Variants in PLS3 observed in about 807,000 individuals in gnomAD.
The protein encoded by PLS3 is plastin 3.
A neutral mutation model predicts 46.5 loss-of-function variants in PLS3; 11 were observed. The observed-to-expected ratio is 0.24, with a 90% CI of 0.15 to 0.39. The LOEUF is 0.39. Among genes scored for constraint, PLS3 ranks in the 10% least tolerant of loss-of-function variants. The probability of loss-of-function intolerance (pLI) is 1.00; values close to 1 mark genes in which losing one functional copy is unlikely to be tolerated. For synonymous variants in PLS3, 167 were observed against 162.2 expected, an observed-to-expected ratio of 1.03 and a Z score of -0.22; for missense variants, 308 against 461.8, an observed-to-expected ratio of 0.67 and a Z score of 3.05.
rs782384205 is a variant in PLS3 at position 115,622,399 on chromosome X, A to G, written c.227A>G (p.Glu76Gly). 27 of 1,172,599 alleles carry G rather than the reference A, an allele frequency of 2.3e-5. No homozygotes were observed. The highest frequency in any genetic ancestry group is 2.8e-5 in the Non-Finnish European group (24 of 864,704). The change falls in exon 3 of 16, where the codon GAA (glutamate) becomes GGA (glycine). Residue 76 changes from glutamate (E) to glycine (G), a missense_variant. Physicochemically the swap from Glu to Gly is moderately conservative, Grantham distance 98. Around this residue, in one of 2 missense-constraint regions of PLS3, gnomAD observed 271 missense variants for 435.7 expected, o/e 0.62. Coordinates refer to ENST00000355899, the MANE Select transcript of PLS3 (RefSeq NM_005032.7). ...RNKDGKISFD[E>G]FVYIFQEVKS... ...AAAGATGGGAAAATAAGTTTTGACGAATTTGTTTATGTAAGTATGTGAAAA... is the reference window on the plus strand; with the variant it reads ...AAAGATGGGAAAATAAGTTTTGACGGATTTGTTTATGTAAGTATGTGAAAA...
intron 1 of PLS3, among the ~76,000 whole-genome samples, chrX:115,576,823 C>A (rs188769242): frequency 8.9e-6 from 1 of 112,411 alleles, no homozygotes; most frequent in East Asian, 2.8e-4. Flanking sequence ...CCATTTAGAA[C>A]TTCCTGCGTA....
intron 1 of PLS3, among the ~76,000 whole-genome samples, chrX:115,568,579 C>G (rs781814521): frequency 9.0e-6 from 1 of 111,487 alleles, no homozygotes; most frequent in Non-Finnish European, 1.9e-5. Flanking sequence ...GTTTCCATAT[C>G]TTACAGATAA....
chrX:115,587,593 G>A (rs1428312415), intron 1 of PLS3, among the ~76,000 whole-genome samples: 2 of 111,096 alleles, frequency 1.8e-5, no homozygotes, highest in Non-Finnish European at 3.8e-5. Flanking sequence ...AAATTAGCTG[G>A]GCGTGGTGGC....
At chrX:115,620,819 G>A (rs1446613830) in intron 2 of PLS3, among the ~76,000 whole-genome samples, 5 of 90,756 alleles carry the variant, frequency 5.5e-5, no homozygotes, top group South Asian at 6.7e-4. Flanking sequence ...TCAGCCTCCC[G>A]AGTAGGTGGG....
At chrX:115,626,997 C>G (rs1215034286) in intron 3 of PLS3, among the ~76,000 whole-genome samples, 1 of 109,072 alleles carries the variant, frequency 9.2e-6, no homozygotes, top group Non-Finnish European at 1.9e-5. Flanking sequence ...TACAGGCATG[C>G]ACCACCACGC....
chrX:115,569,707 C>A (rs2074200969), intron 1 of PLS3, among the ~76,000 whole-genome samples: 3 of 111,422 alleles, frequency 2.7e-5, no homozygotes, highest in African/African-American at 9.8e-5. Flanking sequence ...TTCACAGACC[C>A]TTCCATGGTG....
At chrX:115,571,985 G>A (rs1370301224) in intron 1 of PLS3, among the ~76,000 whole-genome samples, 1 of 112,115 alleles carries the variant, frequency 8.9e-6, no homozygotes, top group Non-Finnish European at 1.9e-5. Context: ...AGCTACAGTT[G>A]AATCATTTTT....
At chrX:115,613,902 A>G (rs1368641617) in intron 2 of PLS3, among the ~76,000 whole-genome samples, 1 of 111,676 alleles carries the variant, frequency 9.0e-6, no homozygotes, top group African/African-American at 3.2e-5. Context: ...GTAAAGAGAA[A>G]ATCTTATTTT....
chrX:115,583,496 G>A (rs1375455356), intron 1 of PLS3, among the ~76,000 whole-genome samples: 1 of 112,612 alleles, frequency 8.9e-6, no homozygotes, highest in Non-Finnish European at 1.9e-5. Flanking sequence ...ATTTTTCTCC[G>A]TGAATGTGAC....
chrX:115,619,619 C>T (rs2074629479), intron 2 of PLS3, among the ~76,000 whole-genome samples: 1 of 112,870 alleles, frequency 8.9e-6, no homozygotes, highest in Non-Finnish European at 1.9e-5. Context: ...AGTGAATATA[C>T]ATCCTAGGGA....
intron 15 of PLS3, among the ~76,000 whole-genome samples, chrX:115,648,494 T>C (rs2074973861): frequency 9.0e-6 from 1 of 111,414 alleles, no homozygotes; most frequent in African/African-American, 3.3e-5. Flanking sequence ...CACAGAAGAC[T>C]ATGCCTTGAA....
intron 2 of PLS3, chrX:115,621,925 G>C (rs2074659669): frequency 6.0e-6 from 1 of 166,672 alleles, no homozygotes; most frequent in South Asian, 1.8e-4. Flanking sequence ...GTAGGTTTAC[G>C]ATCTATTAGT....
Position 115,575,913 on chromosome X carries a change from C to T in PLS3, c.-9+14653C>T, listed in dbSNP as rs191922231. Among the ~76,000 whole-genome samples the T allele has an allele frequency of 3.6e-5, 4 of 111,904 alleles. No individual in the cohort carries two copies. The East Asian group carries it at 1.1e-3, about 31-fold the overall frequency. On this transcript the variant is annotated intron_variant, in intron 1 of 15. Transcript: ENST00000355899. ...CTTATTGTATAATAAACATTTAGCA[C>T]AGTTTTGTTTAATCACATTTTTTGA... is the stretch of plus-strand genomic sequence containing the variant.
intron 5 of PLS3, among the ~76,000 whole-genome samples, chrX:115,631,688 T>C (rs2074777565): frequency 9.0e-6 from 1 of 111,452 alleles, no homozygotes; most frequent in African/African-American, 3.3e-5. Context: ...AGCCAGGATT[T>C]GCACCACTGA....
At chrX:115,578,585 C>T (rs1263677528) in intron 1 of PLS3, among the ~76,000 whole-genome samples, 8 of 100,770 alleles carry the variant, frequency 7.9e-5, no homozygotes, top group Non-Finnish European at 1.2e-4. Context: ...ATTAGACTGG[C>T]GTGGTGGCGG....
chrX:115,612,465 A>T (rs782174305), intron 2 of PLS3, among the ~76,000 whole-genome samples: 25 of 111,348 alleles, frequency 2.2e-4, no homozygotes, highest in Non-Finnish European at 3.4e-4. Context: ...TTTCTAATTC[A>T]GGGACACTTT....
intron 1 of PLS3, among the ~76,000 whole-genome samples, chrX:115,603,986 T>C (rs1214687594): frequency 8.9e-6 from 1 of 112,110 alleles, no homozygotes; most frequent in Non-Finnish European, 1.9e-5. Context: ...GACAAGCTGT[T>C]AGCTATTTTG....
intron 1 of PLS3, among the ~76,000 whole-genome samples, chrX:115,599,041 G>A (rs1556634212): frequency 9.0e-6 from 1 of 111,441 alleles, no homozygotes; most frequent in Non-Finnish European, 1.9e-5. Context: ...GTATTAGCTG[G>A]AGGGGGTTAC....
At chrX:115,595,414 C>A (rs2074378288) in intron 1 of PLS3, among the ~76,000 whole-genome samples, 1 of 110,421 alleles carries the variant, frequency 9.1e-6, no homozygotes, top group Admixed American at 9.8e-5. Flanking sequence ...GAACTCATTT[C>A]TTAATAGCTA....
Sources: allele counts gnomAD v4.1 joint callset (sites outside exome capture counted in the v4.1 genomes callset), GRCh38; gene constraint gnomAD v4.1.1; regional missense constraint gnomAD v4.1.1; transcripts MANE v1.5; gene names NCBI Gene and HGNC (gene_info 2026-07-23, HGNC 2026-07-21).